The following ITGA11 variants were observed in gnomAD, a reference collection of about 807,000 sequenced individuals.
ITGA11 encodes the protein integrin alpha-11.
Under a neutral mutation model 141.9 loss-of-function variants are expected in ITGA11, and 97 were observed. The ratio of observed to expected loss-of-function variants is 0.68; its 90% CI spans 0.58 to 0.81. ITGA11 has a LOEUF of 0.81. Among genes scored for constraint, ITGA11 ranks in the 30% least tolerant of loss-of-function variants. The probability of loss-of-function intolerance (pLI) is 0.00; values close to 1 mark genes in which losing one functional copy is unlikely to be tolerated. For synonymous variants in ITGA11, 658 were observed against 624.6 expected (o/e 1.05, Z -0.80); for missense variants, 1,387 against 1,559.2 (o/e 0.89, Z 1.86).
intron 10 of ITGA11, among the ~76,000 whole-genome samples, chr15:68,341,342 G>A (rs755434050): frequency 1.3e-5 from 2 of 152,236 alleles, no homozygotes; most frequent in Non-Finnish European, 1.5e-5. Context: ...CCTGCACGTG[G>A]GGTGTGCTCT....
intron 8 of ITGA11, among the ~76,000 whole-genome samples, 191 bp from the exon 9 acceptor site, chr15:68,350,973 G>A (rs932227996): frequency 2.6e-5 from 4 of 152,208 alleles, no homozygotes; most frequent in Admixed American, 1.3e-4. Context: ...CTTGTGCTAA[G>A]TTAGGGTCTG....
At chr15:68,341,449 T>C (rs997709465) in intron 10 of ITGA11, among the ~76,000 whole-genome samples, 10 of 152,208 alleles carry the variant, frequency 6.6e-5, no homozygotes, top group African/African-American at 2.4e-4. Context: ...ACTTGACAAA[T>C]GAGCCGTTGA....
At position 68,326,679 on chromosome 15, in the gene ITGA11, C is replaced by T. The variant is rs1893982825; in HGVS notation, c.2186G>A (p.Cys729Tyr). The T allele has an allele frequency of 2.5e-6, 4 of 1,591,752 alleles. No individual in the cohort carries two copies. The African/African-American group carries it at 5.4e-5, about 21-fold the overall frequency. The stretch of plus-strand genomic sequence containing the variant: ...CAGGACATGGAAGTTGATCCGCTCA[C>T]AGAGCTCCTGGCCGGAGGAGAGCAG... ...AVLLSSGQEL[C>Y]ERINFHVLDT... is the part of the protein sequence containing the mutation. The change falls in exon 17 of 30, where the codon TGT (cysteine) becomes TAT (tyrosine). Residue 729 changes from cysteine (C) to tyrosine (Y), a missense_variant. By Grantham distance (194) the Cys-to-Tyr change is radical. Transcript: ENST00000315757. This position sits in a 1 kb window ranked among gnomAD's most constrained non-coding sequence, Gnocchi z 6.8.
chr15:68,390,977 C>T (rs1450871699), intron 2 of ITGA11, among the ~76,000 whole-genome samples: 1 of 152,186 alleles, frequency 6.6e-6, no homozygotes, highest in African/African-American at 2.4e-5. Context: ...CCAATGTCTC[C>T]TAAATGACAC....
At chr15:68,355,239 A>C (rs1268241838) in intron 7 of ITGA11, among the ~76,000 whole-genome samples, 4 of 152,214 alleles carry the variant, frequency 2.6e-5, no homozygotes. Flanking sequence ...AAACAAAAAC[A>C]GAAAAATGGC....
Position 68,297,432 on chromosome 15 carries a change from C to CATTT in ITGA11, c.*5626_*5627insAAAT. On this transcript the variant is annotated 3_prime_UTR_variant, in exon 30 of 30. Coordinates refer to ENST00000315757, the MANE Select transcript of ITGA11 (RefSeq NM_001004439.2). ...ATCTGTACAGTTCTGCACTTCTGAG[C>CATTT]TTTTTTTTTTTTTTTTTTTTTATCC... 1 of 95,832 alleles carries CATTT rather than the reference C, an allele frequency of 1.0e-5. No individual in the cohort carries two copies. 5.9% of individuals were successfully genotyped at this position (95,832 alleles called of 1,614,324 possible). A position where few individuals can be genotyped will look rare whatever the true frequency, so the allele number is the denominator to read the frequency against.
chr15:68,327,323 A>G (rs1171121204), intron 16 of ITGA11, among the ~76,000 whole-genome samples: 2 of 152,186 alleles, frequency 1.3e-5, no homozygotes, highest in Non-Finnish European at 2.9e-5. Flanking sequence ...GGTTTTGCCA[A>G]TTCCCGGAAA....
chr15:68,416,308 C>T (rs1314996284), intron 1 of ITGA11, among the ~76,000 whole-genome samples: 2 of 152,294 alleles, frequency 1.3e-5, no homozygotes, highest in East Asian at 3.9e-4. Context: ...GGTCCCTTCC[C>T]TGGGGTTGCA....
chr15:68,399,562 G>A (rs1896413722), intron 2 of ITGA11, among the ~76,000 whole-genome samples: 1 of 152,058 alleles, frequency 6.6e-6, no homozygotes, highest in African/African-American at 2.4e-5. Flanking sequence ...CAACCTAGGT[G>A]CCCATTAATG....
At chr15:68,350,537 G>A in intron 9 of ITGA11, 80 bp downstream of exon 9, 5 of 1,365,722 alleles carry the variant, frequency 3.7e-6, no homozygotes, top group Non-Finnish European at 5.0e-6. Flanking sequence ...TTCGTTTTGT[G>A]GGATTGGTTT....
At chr15:68,377,005 G>A (rs2140370909) in intron 2 of ITGA11, among the ~76,000 whole-genome samples, 1 of 152,334 alleles carries the variant, frequency 6.6e-6, no homozygotes, top group Non-Finnish European at 1.5e-5. Flanking sequence ...GCCAAGTAAA[G>A]CAGCACTTCT....
At chr15:68,338,966 G>A (rs1053872375) in intron 11 of ITGA11, among the ~76,000 whole-genome samples, 5 of 152,214 alleles carry the variant, frequency 3.3e-5, no homozygotes, top group Admixed American at 6.5e-5. Flanking sequence ...AGAGCTGGAA[G>A]GTGACTTTGG....
In ITGA11 at chr15:68,365,428, G is replaced by A. The variant is rs1895387625; in HGVS notation, c.266-630C>T. On this transcript the variant is annotated intron_variant, in intron 3 of 29. Coordinates refer to ENST00000315757, the MANE Select transcript of ITGA11 (RefSeq NM_001004439.2). ...ATCAGCCTGCTGGGAATAGGGAGAGGGTCAGCTCTGCGGCAGATTAGAATC... is the reference window on the plus strand; with the variant it reads ...ATCAGCCTGCTGGGAATAGGGAGAGAGTCAGCTCTGCGGCAGATTAGAATC... The A allele has an allele frequency of 2.8e-5, 19 of 681,140 alleles. No homozygotes were observed. In the South Asian group the frequency reaches 1.2e-3, roughly 44 times the overall value. 42.2% of individuals were successfully genotyped at this position (681,140 alleles called of 1,614,324 possible). A position where few individuals can be genotyped will look rare whatever the true frequency, so the allele number is the denominator to read the frequency against.
chr15:68,420,397 GA>G (rs1335830393), intron 1 of ITGA11, among the ~76,000 whole-genome samples: 2 of 152,142 alleles, frequency 1.3e-5, no homozygotes, highest in East Asian at 3.9e-4. Context: ...TGCCTGCTGT[GA>G]GCCAATTTAC....
At chr15:68,313,757 G>A in intron 23 of ITGA11, 22 bp downstream of exon 23, 1 of 1,605,800 alleles carries the variant, frequency 6.2e-7, no homozygotes, top group Non-Finnish European at 8.5e-7. Flanking sequence ...CCCTCTCCTG[G>A]GGCCCCCGGA....
intron 5 of ITGA11, among the ~76,000 whole-genome samples, chr15:68,360,155 T>C (rs1383103173): frequency 1.3e-5 from 2 of 152,238 alleles, no homozygotes; most frequent in Non-Finnish European, 2.9e-5. Flanking sequence ...CAGAGCCTCA[T>C]ACATTTGTCC....
chr15:68,425,635 TGGCCC>T (rs1455105768), intron 1 of ITGA11, among the ~76,000 whole-genome samples: 5 of 152,258 alleles, frequency 3.3e-5, no homozygotes, highest in African/African-American at 1.2e-4. Context: ...TGGCCTCACC[TGGCCC>T]GGCCTGACTG....
intron 7 of ITGA11, among the ~76,000 whole-genome samples, chr15:68,356,041 T>C (rs1011535765): frequency 1.3e-5 from 2 of 152,244 alleles, no homozygotes; most frequent in Admixed American, 6.5e-5. Context: ...GCCTTCTGCA[T>C]AGACAACATC....
chr15:68,315,995 CTTCTT>C (rs987276406), intron 21 of ITGA11, among the ~76,000 whole-genome samples: 6 of 152,226 alleles, frequency 3.9e-5, no homozygotes, highest in Non-Finnish European at 8.8e-5. Flanking sequence ...CCCTCTTCCT[CTTCTT>C]TTGTTTTTAG....
Sources: allele counts gnomAD v4.1 joint callset (sites outside exome capture counted in the v4.1 genomes callset), GRCh38; gene constraint gnomAD v4.1.1; non-coding constraint Gnocchi (gnomAD v3.1); transcripts MANE v1.5; gene names NCBI Gene and HGNC (gene_info 2026-07-23, HGNC 2026-07-21).